Variants in SNTG1 observed in about 807,000 individuals in gnomAD.
SNTG1 encodes syntrophin gamma 1.
In SNTG1, 39 loss-of-function variants were observed where a neutral mutation model predicts 74.7. The ratio of observed to expected loss-of-function variants is 0.52; its 90% confidence interval spans 0.40 to 0.68. SNTG1 has a LOEUF of 0.68. Among genes scored for constraint, SNTG1 ranks in the 30% least tolerant of loss-of-function variants. The pLI, the probability that SNTG1 is intolerant of heterozygous loss-of-function variation, is 0.00. For missense variants in SNTG1, 685 were observed against 609.5 expected (o/e 1.12, Z -1.30); for synonymous variants, 254 against 217.1 (o/e 1.17, Z -1.49).
At chr8:50,380,799 C>T (rs1290976264) in intron 2 of SNTG1, among the ~76,000 whole-genome samples, 1 of 152,118 alleles carries the variant, frequency 6.6e-6, no homozygotes. Flanking sequence ...TGTTGCTGTT[C>T]TTATCATAAT....
chr8:50,390,351 C>T (rs1480171239), intron 2 of SNTG1, among the ~76,000 whole-genome samples: 2 of 151,162 alleles, frequency 1.3e-5, no homozygotes, highest in Non-Finnish European at 3.0e-5. Flanking sequence ...ATCGTTTCCC[C>T]ATTTTTTGTC....
chr8:50,376,579 C>G (rs569923212), intron 2 of SNTG1, among the ~76,000 whole-genome samples: 2 of 151,826 alleles, frequency 1.3e-5, no homozygotes, highest in East Asian at 3.9e-4. Flanking sequence ...TGACTTGCAG[C>G]CTGACACTTA....
At chr8:50,781,587 T>C (rs1563833576) in intron 18 of SNTG1, among the ~76,000 whole-genome samples, 2 of 152,252 alleles carry the variant, frequency 1.3e-5, no homozygotes, top group South Asian at 4.1e-4. Flanking sequence ...TTATTTTGAA[T>C]CTATGTGTGT....
At chr8:50,196,815 A>C (rs537751813) in intron 2 of SNTG1, among the ~76,000 whole-genome samples, 9 of 151,040 alleles carry the variant, frequency 6.0e-5, no homozygotes, top group South Asian at 4.2e-4. Context: ...AAAAAAAAAA[A>C]CAAAAAAAAC....
At chr8:50,153,360 T>C (rs1217952875) in intron 1 of SNTG1, among the ~76,000 whole-genome samples, 2 of 152,196 alleles carry the variant, frequency 1.3e-5, no homozygotes, top group African/African-American at 4.8e-5. Context: ...ACTTCCTCCG[T>C]TAGCTCAGAG....
At chr8:50,627,275 A>T (rs75238646) in intron 13 of SNTG1, among the ~76,000 whole-genome samples, 5,731 of 152,288 alleles carry the variant, frequency 0.038, 180 homozygotes, top group African/African-American at 0.076. Context: ...ATTTTAACAG[A>T]TAAATTTACT....
intron 1 of SNTG1, among the ~76,000 whole-genome samples, chr8:50,015,367 A>G (rs1304320068): frequency 6.6e-6 from 1 of 152,022 alleles, no homozygotes; most frequent in East Asian, 1.9e-4. Context: ...GTGGAAAAAC[A>G]ATGAAGAAAC....
chr8:50,449,622 AT>A (rs545373238), intron 5 of SNTG1, 45 bp from the exon 6 acceptor site: 356 of 1,462,126 alleles, frequency 2.4e-4, no homozygotes, highest in South Asian at 7.7e-4. Flanking sequence ...TAAAAGCAGC[AT>A]TTTTTTTAGA....
intron 18 of SNTG1, among the ~76,000 whole-genome samples, chr8:50,757,108 T>C (rs1404853719): frequency 6.6e-6 from 1 of 151,776 alleles, no homozygotes; most frequent in African/African-American, 2.4e-5. Flanking sequence ...TGGTAGGTAA[T>C]TTTTATCAAG....
chr8:49,992,765 G>A (rs995855249), intron 1 of SNTG1, among the ~76,000 whole-genome samples: 20 of 152,270 alleles, frequency 1.3e-4, no homozygotes, highest in African/African-American at 3.1e-4. Context: ...TGGACCTCTT[G>A]AGAACAATTA....
chr8:50,693,105 G>A (rs911388039), intron 15 of SNTG1, among the ~76,000 whole-genome samples: 9 of 152,138 alleles, frequency 5.9e-5, no homozygotes, highest in African/African-American at 2.2e-4. Flanking sequence ...CATTGGAAAA[G>A]CGCAGTATTA....
intron 9 of SNTG1, among the ~76,000 whole-genome samples, chr8:50,507,769 G>A (rs916182254): frequency 1.3e-5 from 2 of 151,566 alleles, no homozygotes; most frequent in East Asian, 3.9e-4. Context: ...GTGCCATGTT[G>A]GTGTGCTGCA....
At chr8:50,758,351 G>T (rs933612345) in intron 18 of SNTG1, among the ~76,000 whole-genome samples, 5 of 151,852 alleles carry the variant, frequency 3.3e-5, no homozygotes, top group Non-Finnish European at 7.4e-5. Context: ...TTTAAGTTCA[G>T]AGATAAATGT....
intron 2 of SNTG1, among the ~76,000 whole-genome samples, chr8:50,230,976 A>C (rs1020729996): frequency 6.6e-6 from 1 of 151,412 alleles, no homozygotes; most frequent in Non-Finnish European, 1.5e-5. Context: ...CTGAGAGAAA[A>C]TATTTGCAAG....
chr8:50,335,098 A>G (rs2091097245), intron 2 of SNTG1, among the ~76,000 whole-genome samples: 1 of 152,218 alleles, frequency 6.6e-6, no homozygotes, highest in Non-Finnish European at 1.5e-5. Flanking sequence ...TGTTCAAACA[A>G]TGTTGATTTC....
rs182354707 is a variant in SNTG1, at chr8:50,709,048, C to T, written c.1284+70C>T. On this transcript the variant is annotated intron_variant, in intron 17 of 18. Transcript: ENST00000642720. ...TAATTGAAGAATGATTTAAATGCCT[C>T]ATAACTCCTTTCAGCATTTTAATTG... 52 of 1,089,966 alleles carry T rather than the reference C, an allele frequency of 4.8e-5. 1 individual carries two copies. The African/African-American group carries it at 7.2e-4, about 15-fold the overall frequency. The allele number at this position is 1,089,966 out of a possible 1,614,324, so 67.5% of individuals were successfully genotyped here.
At chr8:50,153,986 G>T (rs1217546215) in intron 1 of SNTG1, among the ~76,000 whole-genome samples, 1 of 152,198 alleles carries the variant, frequency 6.6e-6, no homozygotes, top group Admixed American at 6.5e-5. Context: ...GTTAGGCTAT[G>T]CCCTGCCTCC....
chr8:50,226,966 TAA>T (rs748911630), intron 2 of SNTG1, among the ~76,000 whole-genome samples: 47 of 152,328 alleles, frequency 3.1e-4, no homozygotes, highest in Non-Finnish European at 5.3e-4. Context: ...AAAAAAATTT[TAA>T]AAACAGATTT....
At chr8:50,512,460 C>T (rs561202398) in intron 9 of SNTG1, among the ~76,000 whole-genome samples, 125 of 152,242 alleles carry the variant, frequency 8.2e-4, no homozygotes, top group African/African-American at 2.3e-3. Flanking sequence ...TGAATGTTGG[C>T]CTGCCTTGCT....
Sources: gnomAD v4.1 joint callset for allele counts (sites outside exome capture counted in the v4.1 genomes callset) on GRCh38, gnomAD v4.1.1 for gene constraint, MANE v1.5 for transcripts, NCBI Gene and HGNC (gene_info 2026-07-23, HGNC 2026-07-21) for gene names.